Variants in LRRC4C observed in about 807,000 individuals in gnomAD.
The protein encoded by LRRC4C is leucine rich repeat containing 4C.
Under a neutral mutation model 33.6 loss-of-function variants are expected in LRRC4C, and 5 were observed. The observed-to-expected ratio is 0.15, with a 90% CI of 0.08 to 0.31. The LOEUF is 0.31. Ranked by LOEUF, LRRC4C falls within the 10% of genes least tolerant of loss-of-function variation. The pLI is 1.00. For missense variants in LRRC4C, 560 were observed against 796.7 expected, an observed-to-expected ratio of 0.70 and a Z score of 3.58; for synonymous variants, 329 against 302.0, an observed-to-expected ratio of 1.09 and a Z score of -0.93.
intron 2 of LRRC4C, among the ~76,000 whole-genome samples, chr11:40,821,335 A>G (rs1474369143): frequency 6.6e-6 from 1 of 151,732 alleles, no homozygotes; most frequent in African/African-American, 2.4e-5. Context: ...TTTAAACAAG[A>G]CAAACAATTT....
chr11:40,631,674 T>G, intron 3 of LRRC4C, among the ~76,000 whole-genome samples: 1 of 152,136 alleles, frequency 6.6e-6, no homozygotes, highest in East Asian at 1.9e-4. Context: ...TAACATAGCA[T>G]TGGCAAAGTA....
intron 2 of LRRC4C, among the ~76,000 whole-genome samples, chr11:40,882,311 G>A (rs1208440410): frequency 6.6e-6 from 1 of 151,856 alleles, no homozygotes; most frequent in Non-Finnish European, 1.5e-5. Flanking sequence ...CCGAAACTTC[G>A]ACACTCTTGA....
intron 1 of LRRC4C, among the ~76,000 whole-genome samples, chr11:41,391,378 A>T (rs756731400): frequency 1.9e-4 from 29 of 151,988 alleles, no homozygotes; most frequent in Non-Finnish European, 4.0e-4. Flanking sequence ...GCAAAATAAC[A>T]GTTATGTCAG....
chr11:41,069,198 G>T (rs981194049), intron 1 of LRRC4C, among the ~76,000 whole-genome samples: 1 of 152,030 alleles, frequency 6.6e-6, no homozygotes, highest in Non-Finnish European at 1.5e-5. Flanking sequence ...AGACAGAAAA[G>T]GCCTTCAATA....
chr11:40,629,714 T>C (rs1180453731), intron 3 of LRRC4C, among the ~76,000 whole-genome samples: 2 of 152,206 alleles, frequency 1.3e-5, no homozygotes, highest in East Asian at 1.9e-4. Context: ...GAAATGGTAT[T>C]GACCTTACTG....
chr11:41,175,180 C>T (rs1359580351), intron 1 of LRRC4C, among the ~76,000 whole-genome samples: 3 of 152,086 alleles, frequency 2.0e-5, no homozygotes, highest in African/African-American at 7.2e-5. Flanking sequence ...CAACTTCTCT[C>T]AGTTAGATTC....
At chr11:41,354,300 G>T (rs1054910932) in intron 1 of LRRC4C, among the ~76,000 whole-genome samples, 11 of 152,018 alleles carry the variant, frequency 7.2e-5, no homozygotes, top group Admixed American at 2.6e-4. Context: ...AAAATACTTA[G>T]AAATATAGGT....
chr11:40,250,055 G>A (rs188292506), intron 4 of LRRC4C, among the ~76,000 whole-genome samples: 59 of 152,268 alleles, frequency 3.9e-4, no homozygotes, highest in Admixed American at 7.9e-4. Flanking sequence ...CATTGTTCTT[G>A]TTCTGTAAAT....
intron 1 of LRRC4C, among the ~76,000 whole-genome samples, chr11:41,273,916 A>C (rs2136865958): frequency 6.6e-6 from 1 of 152,300 alleles, no homozygotes; most frequent in African/African-American, 2.4e-5. Context: ...ACAAAACTTT[A>C]AATAGAAAAA....
intron 2 of LRRC4C, among the ~76,000 whole-genome samples, chr11:40,889,056 C>T (rs1955584099): frequency 6.6e-6 from 1 of 151,888 alleles, no homozygotes; most frequent in African/African-American, 2.4e-5. Flanking sequence ...TTTAGTGTAC[C>T]ATATAACCCA....
chr11:40,978,877 C>A (rs1221849995), intron 1 of LRRC4C, among the ~76,000 whole-genome samples: 1 of 152,042 alleles, frequency 6.6e-6, no homozygotes, highest in Admixed American at 6.6e-5. Context: ...AGTGATCCGC[C>A]CACCTCGGCC....
intron 2 of LRRC4C, among the ~76,000 whole-genome samples, chr11:40,859,221 C>G (rs1396982385): frequency 6.6e-6 from 1 of 152,036 alleles, no homozygotes; most frequent in Non-Finnish European, 1.5e-5. Flanking sequence ...GAGTCCAAGC[C>G]ATTAGTTTTT....
chr11:40,205,846 C>T (rs1863108509), intron 5 of LRRC4C, among the ~76,000 whole-genome samples: 2 of 152,156 alleles, frequency 1.3e-5, no homozygotes, highest in Admixed American at 1.3e-4. Flanking sequence ...TTGGTTCTCA[C>T]TGAAAAGATG....
At chr11:40,639,129 T>C (rs185764053) in intron 3 of LRRC4C, among the ~76,000 whole-genome samples, 4 of 151,538 alleles carry the variant, frequency 2.6e-5, no homozygotes, top group Non-Finnish European at 4.4e-5. Flanking sequence ...GCAGATATCT[T>C]ACCCCCAAAA....
At chr11:41,024,775 T>G (rs1856225389) in intron 1 of LRRC4C, among the ~76,000 whole-genome samples, 1 of 151,746 alleles carries the variant, frequency 6.6e-6, no homozygotes, top group Admixed American at 6.6e-5. Flanking sequence ...TTTATTGTGC[T>G]TTGCAGATAT....
intron 3 of LRRC4C, among the ~76,000 whole-genome samples, chr11:40,475,087 C>T (rs1369924646): frequency 6.6e-6 from 1 of 152,160 alleles, no homozygotes; most frequent in Non-Finnish European, 1.5e-5. Flanking sequence ...TTTGATCCAG[C>T]AATCCCTTTA....
chr11:41,250,388 T>A (rs930157672), intron 1 of LRRC4C, among the ~76,000 whole-genome samples: 3 of 152,202 alleles, frequency 2.0e-5, no homozygotes, highest in African/African-American at 7.2e-5. Flanking sequence ...GGCAAGACGA[T>A]CTCAGCAGAG....
At chr11:40,918,121 T>G (rs1272627848) in intron 2 of LRRC4C, among the ~76,000 whole-genome samples, 1 of 152,136 alleles carries the variant, frequency 6.6e-6, no homozygotes, top group Admixed American at 6.6e-5. Flanking sequence ...GAAAGCTTTA[T>G]CTTTCACTAA....
At chr11:41,433,683 G>A (rs993368822) in intron 1 of LRRC4C, among the ~76,000 whole-genome samples, 5 of 151,950 alleles carry the variant, frequency 3.3e-5, no homozygotes, top group South Asian at 2.1e-4. Context: ...CTCAAACATC[G>A]GACTCGTTCT....
Sources: allele counts gnomAD v4.1 joint callset (sites outside exome capture counted in the v4.1 genomes callset), GRCh38; gene constraint gnomAD v4.1.1; transcripts MANE v1.5; gene names NCBI Gene and HGNC (gene_info 2026-07-23, HGNC 2026-07-21).